MOGAT3: variants seen among roughly 807,000 people sequenced by gnomAD.
MOGAT3 encodes the protein monoacylglycerol O-acyltransferase 3, also known as 2-acylglycerol O-acyltransferase 3.
MOGAT3 carries 39 observed loss-of-function variants against 34.4 expected under a neutral mutation model. The observed-to-expected ratio is 1.13, with a 90% CI of 0.88 to 1.48. The LOEUF (loss-of-function observed/expected upper bound fraction) is 1.48, where lower values mean the gene tolerates loss of function less well. Among genes scored for constraint, MOGAT3 ranks in the 40% most tolerant of loss-of-function variants. The pLI is 0.00. For missense variants in MOGAT3, 439 were observed against 438.9 expected (o/e 1.00, Z 0.00); for synonymous variants, 209 against 179.2 (o/e 1.17, Z -1.33).
At position 101,195,750 on chromosome 7, in the gene MOGAT3, A is replaced by G; in HGVS notation, c.*196T>C. The G allele has an allele frequency of 3.4e-6, 2 of 594,864 alleles. No homozygotes were observed. The highest frequency in any genetic ancestry group is 4.2e-5 in the South Asian group (2 of 48,182). The allele number at this position is 594,864 out of a possible 1,614,324, so 36.8% of individuals were successfully genotyped here. On this transcript the variant is annotated 3_prime_UTR_variant, in exon 7 of 7. Coordinates refer to ENST00000223114, the MANE Select transcript of MOGAT3 (RefSeq NM_178176.4). The stretch of plus-strand genomic sequence containing the variant: ...TTAATTTTTGTAGAAATGAAGTCTC[A>G]CTGTGTTGCCCAGGCTGGTCTTCAA...
chr7:101,198,724 T>G lies in MOGAT3; in HGVS notation c.395A>C (p.Asn132Thr), dbSNP rs531908889. 8.9e-5 allele frequency: 144 copies of G among 1,613,742 alleles called. 2 individuals are homozygous for G. In the South Asian group the frequency reaches 1.5e-3, roughly 17 times the overall value. Residue 132 changes from asparagine to threonine, a missense_variant, in exon 4 of 7, where the codon AAT becomes ACT. Asn to Thr is a moderately conservative substitution (Grantham distance 65). Transcript: ENST00000223114. Reference protein sequence around the residue: ...GFLCNFSTESNGFSQLFPGLR... With the variant: ...GFLCNFSTESTGFSQLFPGLR... ...CCCCGGGAAGAGCTGGGAGAAGCCA[T>G]TGCTCTCGGTGGAGAAATTACAGAG...
Position 101,195,625 on chromosome 7 carries a change from T to G in MOGAT3, c.*321A>C. 3.6e-6 allele frequency: 1 copy of G among 275,516 alleles called. No individual in the cohort carries two copies. The highest frequency in any genetic ancestry group is 6.7e-6 in the Non-Finnish European group (1 of 150,318). 17.1% of individuals were successfully genotyped at this position (275,516 alleles called of 1,614,324 possible). ...GGTGTGATCTCAGCTCACTGCAACC[T>G]CCGCCTCCTGGGTTTAAGCAAGTCT... is the stretch of plus-strand genomic sequence containing the variant. On this transcript the variant is annotated 3_prime_UTR_variant, in exon 7 of 7. Coordinates refer to ENST00000223114, the MANE Select transcript of MOGAT3 (RefSeq NM_178176.4).
intron 5 of MOGAT3, among the ~76,000 whole-genome samples, chr7:101,197,137 C>T (rs752529266): frequency 3.6e-4 from 55 of 152,096 alleles, no homozygotes; most frequent in Non-Finnish European, 6.8e-4. Flanking sequence ...CAGAGCAAGA[C>T]TCCATCTCCA....
intron 3 of MOGAT3, 151 bp from the exon 4 acceptor site, chr7:101,198,981 G>C: frequency 3.3e-6 from 2 of 615,146 alleles, no homozygotes; most frequent in Non-Finnish European, 5.7e-6. Flanking sequence ...AGGTTCTTAG[G>C]ATAGGGTTAA....
At position 101,195,810 on chromosome 7, in the gene MOGAT3, C is replaced by T. The variant is rs1797760057; in HGVS notation, c.*136G>A. 1 of 985,578 alleles carries T rather than the reference C, an allele frequency of 1.0e-6. No individual in the cohort carries two copies. Among genetic ancestry groups the T allele is most frequent in the Non-Finnish European group, 1.5e-6 (1 of 660,534 alleles). The allele number at this position is 985,578 out of a possible 1,614,324, so 61.1% of individuals were successfully genotyped here. ...TCAAACGATCCTCCCACCTTGGCCT[C>T]CCAAAGTGCTGGGATTACAGGCATG... On this transcript the variant is annotated 3_prime_UTR_variant, in exon 7 of 7. Coordinates refer to ENST00000223114, the MANE Select transcript of MOGAT3 (RefSeq NM_178176.4).
chr7:101,195,288 C>G lies in MOGAT3; in HGVS notation c.*658G>C, dbSNP rs2079334. On this transcript the variant is annotated 3_prime_UTR_variant, in exon 7 of 7. Transcript: ENST00000223114. The stretch of plus-strand genomic sequence containing the variant: ...GGAGTGCAGTGGTGTGATCTCGGCT[C>G]ACTGCAACCTCTGCCTCCTGGGTTC... 0.11 allele frequency: 16,600 copies of G among 151,732 alleles called. 1,030 individuals carry two copies. Among genetic ancestry groups the G allele is most frequent in the South Asian group, 0.16 (759 of 4,802 alleles). The allele number at this position is 151,732 out of a possible 1,614,324, so 9.4% of individuals were successfully genotyped here.
At position 101,196,313 on chromosome 7, in the gene MOGAT3, G is replaced by A. The variant is rs761264401; in HGVS notation, c.745C>T (p.Gln249Ter). The A allele has an allele frequency of 1.9e-6, 3 of 1,614,028 alleles. No homozygotes were observed. In the South Asian group the frequency reaches 3.3e-5, roughly 18 times the overall value. Residue 249 changes from glutamine (Q) to a stop codon, truncating the protein, a stop_gained, in exon 6 of 7, where the codon CAG becomes TAG. Transcript: ENST00000223114. LOFTEE classifies it high-confidence loss of function. The stretch of plus-strand genomic sequence containing the variant: ...TTGAAGGTGAGCTGGCACCAATGCT[G>A]CCAGGAGCCTGTGGCAAAAGCCTTA... ...RLKAFATGSWQHWCQLTFKKL... is the reference protein window; with the variant it reads ...RLKAFATGSW
In MOGAT3 at chr7:101,196,383, G is replaced by T. The variant is rs1797788385; in HGVS notation, c.675C>A (p.Ser225=). Residue 225 remains serine, a synonymous_variant, in exon 6 of 7, where the codon TCC becomes TCA. Coordinates refer to ENST00000223114, the MANE Select transcript of MOGAT3 (RefSeq NM_178176.4). ...FVRLALRHGA[S]LVPVYSFGEN... ...CCCCAAAGGAGTACACGGGCACCAG[G>T]GACGCCCTGGGAAGGAGCAAGAGAG... 1 of 1,608,568 alleles carries T rather than the reference G, an allele frequency of 6.2e-7. No individual in the cohort carries two copies. The highest frequency in any genetic ancestry group is 1.3e-5 in the African/African-American group (1 of 74,684).
chr7:101,200,450 A>T lies in MOGAT3; in HGVS notation c.175T>A (p.Tyr59Asn). 2 of 1,611,472 alleles carry T rather than the reference A, an allele frequency of 1.2e-6. No individual in the cohort carries two copies. Among genetic ancestry groups the T allele is most frequent in the Non-Finnish European group, 8.5e-7 (1 of 1,178,702 alleles). Residue 59 changes from tyrosine (Y) to asparagine (N), a missense_variant, in exon 2 of 7, where the codon TAC becomes AAC. Coordinates refer to ENST00000223114, the MANE Select transcript of MOGAT3 (RefSeq NM_178176.4). ...FTSLWPFSVF[Y>N]LVWLYVDWDT... ...CAGTCCACATAGAGCCACACCAAGT[A>T]AAAAACAGAGAAGGGCCAGAGTGAC...
intron 3 of MOGAT3, 101 bp downstream of exon 3, chr7:101,200,133 G>A: frequency 1.0e-6 from 1 of 968,078 alleles, no homozygotes; most frequent in Non-Finnish European, 1.7e-6. Context: ...CCTGAGCTTA[G>A]GCAGCGGGGA....
chr7:101,196,150 G>A (rs371578890), intron 6 of MOGAT3, 37 bp downstream of exon 6: 1 of 1,573,870 alleles, frequency 6.4e-7, no homozygotes, highest in Non-Finnish European at 8.6e-7. Flanking sequence ...TGCCCACGCA[G>A]CTGCTGGTGG....
chr7:101,192,967 A>T (rs912587737), downstream of MOGAT3, among the ~76,000 whole-genome samples: 2 of 151,822 alleles, frequency 1.3e-5, no homozygotes, highest in African/African-American at 2.4e-5. Flanking sequence ...AGTCCCAGCT[A>T]CTCGGGAGGC....
At chr7:101,200,352 C>G in intron 2 of MOGAT3, 48 bp from the exon 3 acceptor site, 1 of 1,611,148 alleles carries the variant, frequency 6.2e-7, no homozygotes, top group South Asian at 1.1e-5. Context: ...GTCACCTCCC[C>G]TCACCCCCCA....
chr7:101,196,298 G>T lies in MOGAT3; in HGVS notation c.760C>A (p.Leu254Ile). 6.2e-7 allele frequency: 1 copy of T among 1,613,856 alleles called. No homozygotes were observed. The highest frequency in any genetic ancestry group is 1.1e-5 in the South Asian group (1 of 91,018). Residue 254 changes from leucine to isoleucine, a missense_variant, in exon 6 of 7, where the codon CTC becomes ATC. Transcript: ENST00000223114. The part of the protein sequence containing the change: ...ATGSWQHWCQ[L>I]TFKKLMGFSP... The stretch of plus-strand genomic sequence containing the variant: ...AAGCCCATGAGCTTCTTGAAGGTGA[G>T]CTGGCACCAATGCTGCCAGGAGCCT...
At position 101,198,306 on chromosome 7, in the gene MOGAT3, G is replaced by A. The variant is rs779735361; in HGVS notation, c.553C>T (p.Gln185Ter). The part of the protein sequence containing the change: ...DFILSQPQLG[Q>*]AVVIMVGGAH... Reference sequence around the variant, plus strand: ...CCCCCCACCATGATGACCACGGCCTGCCCGAGCTGGGGCTGGGACAGGATG... The same window carrying A: ...CCCCCCACCATGATGACCACGGCCTACCCGAGCTGGGGCTGGGACAGGATG... The change falls in exon 5 of 7, where the codon CAG becomes TAG. Residue 185 changes from glutamine to a stop codon, truncating the protein, a stop_gained. Coordinates refer to ENST00000223114, the MANE Select transcript of MOGAT3 (RefSeq NM_178176.4). LOFTEE classifies it high-confidence loss of function. The A allele has an allele frequency of 1.3e-6, 2 of 1,599,730 alleles. No individual in the cohort carries two copies. The highest frequency in any genetic ancestry group is 1.7e-6 in the Non-Finnish European group (2 of 1,172,128).
In MOGAT3 at chr7:101,196,212, G is replaced by C; in HGVS notation, c.846C>G (p.Pro282=). 3 of 1,582,650 alleles carry C rather than the reference G, an allele frequency of 1.9e-6. No homozygotes were observed. The highest frequency in any genetic ancestry group is 2.6e-6 in the Non-Finnish European group (3 of 1,163,946). ...LFSATSWGLL[P]FAVPITTVVG... is the part of the protein sequence containing the mutation. ...CCACAGTGGTGATGGGCACAGCAAA[G>C]GGCAGCAGGCCCCAGGAGGTGGCTG... Residue 282 remains proline, a synonymous_variant, in exon 6 of 7, where the codon CCC becomes CCG. Coordinates refer to ENST00000223114, the MANE Select transcript of MOGAT3 (RefSeq NM_178176.4).
chr7:101,196,695 C>T (rs935907892), intron 5 of MOGAT3, among the ~76,000 whole-genome samples: 1 of 152,120 alleles, frequency 6.6e-6, no homozygotes, highest in African/African-American at 2.4e-5. Flanking sequence ...ATGGTGAAAC[C>T]CCCGTCTCTG....
chr7:101,192,905 C>T (rs886163663), downstream of MOGAT3, among the ~76,000 whole-genome samples: 1 of 151,656 alleles, frequency 6.6e-6, no homozygotes, highest in Non-Finnish European at 1.5e-5. Context: ...AACCCCATCT[C>T]TACTAAAAAA....
Position 101,196,213 on chromosome 7 carries a change from G to A in MOGAT3, c.845C>T (p.Pro282Leu), listed in dbSNP as rs267601205. The change falls in exon 6 of 7, where the codon CCC (proline) becomes CTC (leucine). Residue 282 changes from proline (P) to leucine (L), a missense_variant. By Grantham distance (98) the Pro-to-Leu change is moderately conservative. Transcript: ENST00000223114. ...LFSATSWGLL[P>L]FAVPITTVVG... ...CACAGTGGTGATGGGCACAGCAAAG[G>A]GCAGCAGGCCCCAGGAGGTGGCTGA... 5 of 1,582,920 alleles carry A rather than the reference G, an allele frequency of 3.2e-6. 1 individual carries two copies. The highest frequency in any genetic ancestry group is 3.4e-6 in the Non-Finnish European group (4 of 1,164,162).
Sources: gnomAD v4.1 joint callset for allele counts (sites outside exome capture counted in the v4.1 genomes callset) on GRCh38, gnomAD v4.1.1 for gene constraint, MANE v1.5 for transcripts, NCBI Gene and HGNC (gene_info 2026-07-23, HGNC 2026-07-21) for gene names.